Variants in TBL1XR1 observed in about 807,000 individuals in gnomAD.
TBL1XR1 encodes F-box-like/WD repeat-containing protein TBL1XR1.
A neutral mutation model predicts 66.9 loss-of-function variants in TBL1XR1; 5 were observed. That is an observed-to-expected ratio of 0.07 (90% confidence interval 0.04 to 0.16). TBL1XR1 has a LOEUF of 0.16. Among genes scored for constraint, TBL1XR1 ranks in the 10% least tolerant of loss-of-function variants. The pLI is 1.00. For missense variants in TBL1XR1, 238 were observed against 623.2 expected, an observed-to-expected ratio of 0.38 and a Z score of 6.58; for synonymous variants, 210 against 206.0, an observed-to-expected ratio of 1.02 and a Z score of -0.17.
At chr3:177,173,249 G>A (rs948685503) in intron 1 of TBL1XR1, among the ~76,000 whole-genome samples, 9 of 152,136 alleles carry the variant, frequency 5.9e-5, no homozygotes, top group Non-Finnish European at 1.3e-4. Flanking sequence ...TTTAACATAT[G>A]TCCACAAATT....
At chr3:177,139,114 CAT>C (rs1397404527) in intron 1 of TBL1XR1, among the ~76,000 whole-genome samples, 3 of 152,146 alleles carry the variant, frequency 2.0e-5, no homozygotes, top group African/African-American at 7.2e-5. Flanking sequence ...AACAGACAAA[CAT>C]ATTTTAATTC....
chr3:177,186,123 T>C (rs1054798059), intron 1 of TBL1XR1, among the ~76,000 whole-genome samples: 27 of 152,332 alleles, frequency 1.8e-4, no homozygotes, highest in African/African-American at 6.3e-4. Flanking sequence ...AGGTCAAAGA[T>C]GTATTCCCAT....
intron 1 of TBL1XR1, among the ~76,000 whole-genome samples, chr3:177,150,208 A>G (rs1730721026): frequency 6.6e-6 from 1 of 152,202 alleles, no homozygotes; most frequent in Admixed American, 6.5e-5. Context: ...AGAAACTGAA[A>G]AGCCCGGTAG....
chr3:177,082,222 A>G (rs1221451745), intron 2 of TBL1XR1, among the ~76,000 whole-genome samples: 3 of 152,204 alleles, frequency 2.0e-5, no homozygotes, highest in Non-Finnish European at 4.4e-5. Flanking sequence ...AAACAAAAAA[A>G]TTATTGCAGT....
At chr3:177,199,265 C>T (rs989291105), upstream of TBL1XR1, among the ~76,000 whole-genome samples, 8 of 152,152 alleles carry the variant, frequency 5.3e-5, no homozygotes, top group Admixed American at 3.9e-4. Context: ...AGGGAAACCG[C>T]ACAAAGCAAG....
rs1349119567 is a variant in TBL1XR1 at position 177,197,263 on chromosome 3, C to A, written c.-264G>T. On this transcript the variant is annotated 5_prime_UTR_variant, in exon 1 of 16. Coordinates refer to ENST00000457928, the MANE Select transcript of TBL1XR1 (RefSeq NM_024665.7). ...GGGTGAGAGGCAATTATAACCCCAG[C>A]GAGCGGAGGGCGCGGGGGATGGGCG... 6.6e-6 allele frequency: 1 copy of A among 151,016 alleles called. No homozygotes were observed. Among genetic ancestry groups the A allele is most frequent in the Non-Finnish European group, 1.5e-5 (1 of 67,392 alleles). The allele number at this position is 151,016 out of a possible 1,614,324, so 9.4% of individuals were successfully genotyped here. A position where few individuals can be genotyped will look rare whatever the true frequency, so the allele number is the denominator to read the frequency against.
intron 1 of TBL1XR1, among the ~76,000 whole-genome samples, chr3:177,171,937 T>C (rs1056451731): frequency 6.6e-6 from 1 of 152,020 alleles, no homozygotes; most frequent in Non-Finnish European, 1.5e-5. Context: ...GGAACAACTG[T>C]AGCAGCAAAT....
intron 1 of TBL1XR1, among the ~76,000 whole-genome samples, chr3:177,134,009 G>A (rs772334931): frequency 6.6e-6 from 1 of 151,712 alleles, no homozygotes; most frequent in Non-Finnish European, 1.5e-5. Flanking sequence ...TTCAATCACA[G>A]TGCCCTTTTC....
At chr3:177,117,794 T>C (rs1193730902) in intron 1 of TBL1XR1, among the ~76,000 whole-genome samples, 1 of 152,142 alleles carries the variant, frequency 6.6e-6, no homozygotes, top group Admixed American at 6.5e-5. Context: ...GGGAGAAATA[T>C]AAAGTAAAAC....
At chr3:177,175,911 G>C (rs1183899699) in intron 1 of TBL1XR1, among the ~76,000 whole-genome samples, 2 of 151,718 alleles carry the variant, frequency 1.3e-5, no homozygotes, top group East Asian at 3.9e-4. Flanking sequence ...ACAAAAATTA[G>C]CCGGGCGTGG....
At chr3:177,075,223 G>C (rs1232267636) in intron 2 of TBL1XR1, among the ~76,000 whole-genome samples, 1 of 152,134 alleles carries the variant, frequency 6.6e-6, no homozygotes, top group African/African-American at 2.4e-5. Flanking sequence ...GGCTTGTAGC[G>C]GCAAAATTAG....
chr3:177,082,790 G>A (rs1459714763), intron 2 of TBL1XR1, among the ~76,000 whole-genome samples: 3 of 98,388 alleles, frequency 3.0e-5, no homozygotes, highest in African/African-American at 1.1e-4. Flanking sequence ...GAGTCTTGCT[G>A]TGTTGCCCAG....
intron 14 of TBL1XR1, among the ~76,000 whole-genome samples, chr3:177,031,997 T>TA (rs1295424369): frequency 1.3e-5 from 2 of 151,928 alleles, no homozygotes; most frequent in African/African-American, 4.8e-5. Flanking sequence ...CTTAAATATA[T>TA]AAAAAAAGAT....
intron 14 of TBL1XR1, among the ~76,000 whole-genome samples, chr3:177,028,088 C>T (rs577245656): frequency 1.3e-5 from 2 of 152,234 alleles, no homozygotes; most frequent in South Asian, 2.1e-4. Context: ...AGAGCTAAGA[C>T]ATTTAAAAAG....
chr3:177,098,676 T>C (rs202053004), intron 1 of TBL1XR1, 135 bp from the exon 2 acceptor site: 17 of 315,796 alleles, frequency 5.4e-5, no homozygotes, highest in South Asian at 2.5e-4. Context: ...CCCCAAGTAA[T>C]TGTTATCATA....
At chr3:177,158,654 A>G (rs1731810301) in intron 1 of TBL1XR1, among the ~76,000 whole-genome samples, 1 of 152,172 alleles carries the variant, frequency 6.6e-6, no homozygotes, top group South Asian at 2.1e-4. Context: ...CCCAGGAGAC[A>G]TTTCAGCAGC....
chr3:177,069,839 A>AGGAAGGAAGGAAGGAAGGAG (rs1719727075), intron 2 of TBL1XR1, among the ~76,000 whole-genome samples: 1 of 150,610 alleles, frequency 6.6e-6, no homozygotes, highest in South Asian at 2.1e-4. Context: ...GAAGGAAGGA[A>AGGAAGGAAGGAAGGAAGGAG]GGAAGGAAGG....
intron 1 of TBL1XR1, among the ~76,000 whole-genome samples, chr3:177,172,848 A>G (rs1026482188): frequency 2.6e-5 from 4 of 152,104 alleles, no homozygotes; most frequent in African/African-American, 7.2e-5. Context: ...GCATCTCCCC[A>G]AAGTATTTCT....
intron 1 of TBL1XR1, among the ~76,000 whole-genome samples, chr3:177,139,453 T>A (rs939760893): frequency 1.3e-5 from 2 of 151,746 alleles, no homozygotes; most frequent in African/African-American, 4.8e-5. Flanking sequence ...GAGAATCGCT[T>A]GAACTCAGGA....
Sources: gnomAD v4.1 joint callset for allele counts (sites outside exome capture counted in the v4.1 genomes callset) on GRCh38, gnomAD v4.1.1 for gene constraint, MANE v1.5 for transcripts, NCBI Gene and HGNC (gene_info 2026-07-23, HGNC 2026-07-21) for gene names.